GPR137B: variants seen among roughly 807,000 people sequenced by gnomAD.
The protein encoded by GPR137B is G protein-coupled receptor 137B, also known as integral membrane protein GPR137B.
A neutral mutation model predicts 42.5 loss-of-function variants in GPR137B; 42 were observed. The observed-to-expected ratio is 0.99, with a 90% CI of 0.77 to 1.28. The LOEUF (loss-of-function observed/expected upper bound fraction) is 1.28, where lower values mean the gene tolerates loss of function less well. Among genes scored for constraint, GPR137B ranks in the 50% most tolerant of loss-of-function variants. The pLI is 0.00. For synonymous variants in GPR137B, 218 were observed against 209.7 expected (o/e 1.04, Z -0.34); for missense variants, 487 against 493.9 (o/e 0.99, Z 0.13).
At chr1:236,191,359 T>C (rs1174358772) in intron 5 of GPR137B, among the ~76,000 whole-genome samples, 1 of 152,230 alleles carries the variant, frequency 6.6e-6, no homozygotes, top group African/African-American at 2.4e-5. Context: ...ATCAAACTCA[T>C]TCTCTGTCCA....
intron 1 of GPR137B, among the ~76,000 whole-genome samples, chr1:236,161,366 A>C (rs1662189395): frequency 2.8e-5 from 4 of 144,010 alleles, no homozygotes; most frequent in Admixed American, 6.9e-5. Flanking sequence ...TTCTCTCCTC[A>C]CCCCCTCCCT....
rs1558499104 is a variant in GPR137B at position 236,208,483 on chromosome 1, A to G, written c.*325A>G. 2 of 902,694 alleles carry G rather than the reference A, an allele frequency of 2.2e-6. No homozygotes were observed. Among genetic ancestry groups the G allele is most frequent in the Non-Finnish European group, 2.7e-6 (2 of 736,482 alleles). The allele number at this position is 902,694 out of a possible 1,614,324, so 55.9% of individuals were successfully genotyped here. ...TTTTTTTCTTGAGAATGTTACTGCA[A>G]TCATGTTGTAGTTTGCACAGACTTT... is the stretch of plus-strand genomic sequence containing the variant. On this transcript the variant is annotated 3_prime_UTR_variant, in exon 7 of 7. Coordinates refer to ENST00000366592, the MANE Select transcript of GPR137B (RefSeq NM_003272.4).
intron 1 of GPR137B, among the ~76,000 whole-genome samples, chr1:236,149,636 A>C (rs541136730): frequency 3.9e-4 from 60 of 152,330 alleles, no homozygotes. Context: ...GCCCTAGTCT[A>C]GGAGTTGTGA....
intron 2 of GPR137B, among the ~76,000 whole-genome samples, chr1:236,177,127 T>C (rs1425065620): frequency 6.6e-6 from 1 of 151,998 alleles, no homozygotes; most frequent in Non-Finnish European, 1.5e-5. Flanking sequence ...ATGTGAGAGA[T>C]TTTTGCCAGT....
intron 1 of GPR137B, among the ~76,000 whole-genome samples, chr1:236,158,638 T>C (rs960409621): frequency 6.6e-6 from 1 of 152,228 alleles, no homozygotes; most frequent in Admixed American, 6.5e-5. Context: ...GTTTCTTTAG[T>C]CAGGAGTCTG....
intron 1 of GPR137B, among the ~76,000 whole-genome samples, chr1:236,149,130 C>A (rs949173419): frequency 6.6e-6 from 1 of 152,220 alleles, no homozygotes; most frequent in African/African-American, 2.4e-5. Context: ...GGTCCCCGGG[C>A]TGACCCTGCC....
At chr1:236,164,632 T>C (rs1662294497) in intron 1 of GPR137B, among the ~76,000 whole-genome samples, 1 of 152,210 alleles carries the variant, frequency 6.6e-6, no homozygotes, top group South Asian at 2.1e-4. Context: ...TGGGAGAGTT[T>C]AGATTTTTGT....
Position 236,205,106 on chromosome 1 carries a change from A to G in GPR137B, c.967-20A>G. 5.6e-6 allele frequency: 9 copies of G among 1,606,546 alleles called. No individual in the cohort carries two copies. Among genetic ancestry groups the G allele is most frequent in the Non-Finnish European group, 7.7e-6 (9 of 1,173,920 alleles). ...GGCATGATGTCTGTAAGTATGCTGA[A>G]TGATTACCTGTCTTTCTAGACCAAC... On this transcript the variant is annotated intron_variant, in intron 5 of 6. Transcript: ENST00000366592.
intron 5 of GPR137B, among the ~76,000 whole-genome samples, chr1:236,204,423 G>T (rs1298118110): frequency 6.6e-6 from 1 of 152,124 alleles, no homozygotes; most frequent in Non-Finnish European, 1.5e-5. Context: ...GAGTGTAGAA[G>T]TACTCCCTCT....
At chr1:236,185,373 C>T (rs995667944) in intron 5 of GPR137B, among the ~76,000 whole-genome samples, 2 of 152,128 alleles carry the variant, frequency 1.3e-5, no homozygotes, top group Admixed American at 1.3e-4. Flanking sequence ...GTCTAGGTAA[C>T]GAGATACTCA....
chr1:236,177,626 G>A (rs959212038), intron 2 of GPR137B, among the ~76,000 whole-genome samples: 9 of 151,786 alleles, frequency 5.9e-5, no homozygotes, highest in African/African-American at 1.7e-4. Flanking sequence ...GCGCGATCTC[G>A]GCTCACTGCA....
At chr1:236,165,563 G>C (rs2102901320) in intron 1 of GPR137B, among the ~76,000 whole-genome samples, 1 of 152,260 alleles carries the variant, frequency 6.6e-6, no homozygotes, top group South Asian at 2.1e-4. Flanking sequence ...AGTTGCTGTT[G>C]CTTCTCCTTT....
intron 6 of GPR137B, 64 bp downstream of exon 6, chr1:236,205,314 A>T: frequency 7.0e-7 from 1 of 1,428,912 alleles, no homozygotes. Flanking sequence ...AGTTAAATAG[A>T]TTCAAGCTAA....
intron 5 of GPR137B, among the ~76,000 whole-genome samples, chr1:236,184,525 C>T (rs1425539538): frequency 2.0e-5 from 3 of 152,098 alleles, no homozygotes; most frequent in Non-Finnish European, 4.4e-5. Context: ...CTAGTGGTAG[C>T]TTTTTGACTT....
chr1:236,176,478 C>T (rs1280084297), intron 2 of GPR137B, among the ~76,000 whole-genome samples: 4 of 152,076 alleles, frequency 2.6e-5, no homozygotes, highest in Admixed American at 2.0e-4. Context: ...CTTCCTGCCC[C>T]CTGAGCTGCT....
At chr1:236,168,857 C>T (rs41311593) in intron 2 of GPR137B, 102 bp downstream of exon 2, 2 of 873,254 alleles carry the variant, frequency 2.3e-6, no homozygotes, top group Non-Finnish European at 3.9e-6. Flanking sequence ...GTTCTGTGAG[C>T]CGCCGGAAAC....
intron 5 of GPR137B, among the ~76,000 whole-genome samples, chr1:236,196,407 T>C (rs1663333277): frequency 6.6e-6 from 1 of 152,208 alleles, no homozygotes; most frequent in Admixed American, 6.5e-5. Context: ...CCCAAAGTGC[T>C]GGGATTACAG....
rs192209656 is a variant in GPR137B at position 236,189,310 on chromosome 1, G to A, written c.966+5404G>A. Among the ~76,000 whole-genome samples the A allele has an allele frequency of 6.3e-4, 96 of 152,118 alleles. 2 individuals are homozygous for A. In the East Asian group the frequency reaches 0.017, roughly 26 times the overall value. On this transcript the variant is annotated intron_variant, in intron 5 of 6. Coordinates refer to ENST00000366592, the MANE Select transcript of GPR137B (RefSeq NM_003272.4). ...TGATTTTTTTTGAAGGGTTTTTCGT[G>A]TCTCTATCTCCTTCAGCTCTGCTCT... is the stretch of plus-strand genomic sequence containing the variant.
intron 2 of GPR137B, among the ~76,000 whole-genome samples, chr1:236,173,686 G>A (rs1662611018): frequency 6.6e-6 from 1 of 152,084 alleles, no homozygotes; most frequent in Admixed American, 6.6e-5. Flanking sequence ...CTGTCATCAT[G>A]CCAGGATGAG....
Sources: gnomAD v4.1 joint callset for allele counts (sites outside exome capture counted in the v4.1 genomes callset) on GRCh38, gnomAD v4.1.1 for gene constraint, MANE v1.5 for transcripts, NCBI Gene and HGNC (gene_info 2026-07-23, HGNC 2026-07-21) for gene names.